Variants in ERC1 observed in about 807,000 individuals in gnomAD.
ERC1 encodes the protein ELKS/RAB6-interacting/CAST family member 1.
Under a neutral mutation model 132.0 loss-of-function variants are expected in ERC1, and 56 were observed. That is an observed-to-expected ratio of 0.42 (90% CI 0.34 to 0.53). The LOEUF is 0.53. Ranked by LOEUF, ERC1 falls within the 20% of genes least tolerant of loss-of-function variation. The pLI is 0.03. For missense variants in ERC1, 1,202 were observed against 1,349.9 expected, an observed-to-expected ratio of 0.89 and a Z score of 1.72; for synonymous variants, 478 against 476.1, an observed-to-expected ratio of 1.00 and a Z score of -0.05.
chr12:1,445,613 G>T (rs1173157587), intron 18 of ERC1, among the ~76,000 whole-genome samples: 2 of 152,072 alleles, frequency 1.3e-5, no homozygotes, highest in African/African-American at 2.4e-5. Context: ...CCAGCCCCTG[G>T]TAACCACCAT....
chr12:1,459,369 CA>C (rs759026332), intron 18 of ERC1, among the ~76,000 whole-genome samples: 2 of 151,994 alleles, frequency 1.3e-5, no homozygotes, highest in South Asian at 2.1e-4. Flanking sequence ...TATGAGGACC[CA>C]GGGGGAGAAA....
chr12:1,488,590 C>CTGCCTCATTTTACAGA (rs1305024294), intron 18 of ERC1, among the ~76,000 whole-genome samples: 1 of 152,154 alleles, frequency 6.6e-6, no homozygotes, highest in African/African-American at 2.4e-5. Context: ...GATGAGGAAA[C>CTGCCTCATTTTACAGA]TGAGACTCAG....
intron 2 of ERC1, among the ~76,000 whole-genome samples, chr12:1,061,105 G>A (rs949047803): frequency 4.6e-5 from 7 of 152,080 alleles, no homozygotes; most frequent in East Asian, 3.9e-4. Flanking sequence ...TTCCTGGTCC[G>A]ATCTTGGCAA....
intron 3 of ERC1, 86 bp downstream of exon 3, chr12:1,083,666 C>T (rs1184861710): frequency 1.3e-5 from 13 of 965,216 alleles, no homozygotes; most frequent in South Asian, 3.2e-5. Context: ...AGTGAATCTA[C>T]GTGCTCTGCC....
chr12:1,184,151 A>T (rs1029622768), intron 11 of ERC1, among the ~76,000 whole-genome samples: 36 of 151,428 alleles, frequency 2.4e-4, no homozygotes, highest in Non-Finnish European at 5.0e-4. Flanking sequence ...AAAAAAAAAA[A>T]AGAAAAAAAA....
rs201196014 is a variant in ERC1, at chr12:1,154,319, G to GTA, written c.1737+12543_1737+12544dup. ...CACACGTGCATATATATGTGTGTGT[G>GTA]TATATATATATACACACATACCCAT... On this transcript the variant is annotated intron_variant, in intron 8 of 18. Transcript: ENST00000360905. Among the ~76,000 whole-genome samples the GTA allele has an allele frequency of 1.2e-3, 169 of 139,362 alleles. 1 individual carries two copies. Among genetic ancestry groups the GTA allele is most frequent in the African/African-American group, 3.7e-3 (126 of 34,462 alleles). 91.4% of individuals were successfully genotyped at this position (139,362 alleles called of 152,430 possible).
intron 12 of ERC1, among the ~76,000 whole-genome samples, chr12:1,230,409 A>C (rs2074940200): frequency 6.6e-6 from 1 of 152,040 alleles, no homozygotes; most frequent in South Asian, 2.1e-4. Context: ...CCTATTATTG[A>C]TTTCTAATTT....
chr12:1,456,024 T>C (rs573175336), intron 18 of ERC1, among the ~76,000 whole-genome samples: 2 of 152,340 alleles, frequency 1.3e-5, no homozygotes, highest in South Asian at 4.1e-4. Flanking sequence ...AGCTTTCCAA[T>C]GAGGTGAGGA....
At chr12:1,169,028 C>T (rs1173621533) in intron 8 of ERC1, among the ~76,000 whole-genome samples, 2 of 152,132 alleles carry the variant, frequency 1.3e-5, no homozygotes, top group South Asian at 2.1e-4. Flanking sequence ...TAATCAGAAA[C>T]ACTCACCATC....
chr12:1,437,975 G>A (rs1229592251), intron 17 of ERC1, among the ~76,000 whole-genome samples: 2 of 152,314 alleles, frequency 1.3e-5, no homozygotes, highest in African/African-American at 4.8e-5. Context: ...AACCTTTGGA[G>A]AGAGTTTCTA....
At chr12:1,423,955 A>G (rs898330663) in intron 17 of ERC1, among the ~76,000 whole-genome samples, 1 of 152,208 alleles carries the variant, frequency 6.6e-6, no homozygotes, top group Non-Finnish European at 1.5e-5. Flanking sequence ...TAGGTATTCA[A>G]TGAATACTTG....
chr12:1,150,766 G>C (rs1950762582), intron 8 of ERC1, among the ~76,000 whole-genome samples: 1 of 152,154 alleles, frequency 6.6e-6, no homozygotes, highest in Admixed American at 6.5e-5. Context: ...CAACTGACTA[G>C]TAGTATTCAA....
intron 15 of ERC1, among the ~76,000 whole-genome samples, chr12:1,349,871 C>T (rs571139221): frequency 1.8e-4 from 28 of 152,248 alleles, no homozygotes; most frequent in African/African-American, 6.3e-4. Context: ...GGCACTCTTG[C>T]CAGTGTTGGT....
chr12:1,093,212 C>A (rs899206695), intron 3 of ERC1, among the ~76,000 whole-genome samples: 2 of 152,096 alleles, frequency 1.3e-5, no homozygotes, highest in African/African-American at 4.8e-5. Flanking sequence ...CCCCAAAAGC[C>A]GAGAGGTAAA....
intron 2 of ERC1, among the ~76,000 whole-genome samples, chr12:1,032,104 G>A (rs756952847): frequency 1.1e-4 from 17 of 150,546 alleles, no homozygotes; most frequent in Non-Finnish European, 2.2e-4. Flanking sequence ...GGAGTGCAGC[G>A]ATGCGATCTT....
intron 1 of ERC1, among the ~76,000 whole-genome samples, chr12:1,005,149 A>G (rs1429832277): frequency 6.6e-6 from 1 of 152,096 alleles, no homozygotes; most frequent in Non-Finnish European, 1.5e-5. Flanking sequence ...AAACATTTTT[A>G]AAGAAATCTT....
At chr12:1,143,118 G>A (rs1425854596) in intron 8 of ERC1, among the ~76,000 whole-genome samples, 2 of 152,140 alleles carry the variant, frequency 1.3e-5, no homozygotes, top group Admixed American at 6.6e-5. Flanking sequence ...GGCCAGGCCG[G>A]TTTTGAAGTC....
intron 15 of ERC1, among the ~76,000 whole-genome samples, chr12:1,344,193 A>G (rs940263877): frequency 6.6e-6 from 1 of 152,174 alleles, no homozygotes; most frequent in African/African-American, 2.4e-5. Context: ...TTATACAACA[A>G]TACTTTTATG....
chr12:1,017,647 C>T (rs1014048755), intron 1 of ERC1, among the ~76,000 whole-genome samples: 3 of 151,710 alleles, frequency 2.0e-5, no homozygotes, highest in East Asian at 3.9e-4. Context: ...TAGAGGCGTG[C>T]GCTATCACAC....
Sources: allele counts gnomAD v4.1 joint callset (sites outside exome capture counted in the v4.1 genomes callset), GRCh38; gene constraint gnomAD v4.1.1; transcripts MANE v1.5; gene names NCBI Gene and HGNC (gene_info 2026-07-23, HGNC 2026-07-21).